The following CACNA2D1 variants were observed in gnomAD, a reference collection of about 807,000 sequenced individuals.
CACNA2D1 encodes the protein calcium voltage-gated channel auxiliary subunit alpha2delta 1.
CACNA2D1 carries 53 observed loss-of-function variants against 171.5 expected under a neutral mutation model. The observed-to-expected ratio is 0.31, with a 90% CI of 0.25 to 0.39. The LOEUF (loss-of-function observed/expected upper bound fraction) is 0.39. Ranked by LOEUF, CACNA2D1 falls within the 10% of genes least tolerant of loss-of-function variation. CACNA2D1 has a pLI of 1.00. For synonymous variants in CACNA2D1, 442 were observed against 443.1 expected (o/e 1.00, Z 0.03); for missense variants, 903 against 1,299.8 (o/e 0.69, Z 4.69).
At chr7:82,218,135 C>T (rs1422491609) in intron 3 of CACNA2D1, among the ~76,000 whole-genome samples, 2 of 151,866 alleles carry the variant, frequency 1.3e-5, no homozygotes, top group Non-Finnish European at 2.9e-5. Context: ...GTGGTTTCAC[C>T]GTGTTGGACA....
At chr7:82,195,619 C>T (rs1042055467) in intron 3 of CACNA2D1, among the ~76,000 whole-genome samples, 6 of 151,652 alleles carry the variant, frequency 4.0e-5, no homozygotes, top group East Asian at 3.9e-4. Context: ...AACATGTTAT[C>T]TCTCCCAGAG....
intron 2 of CACNA2D1, among the ~76,000 whole-genome samples, chr7:82,338,050 CAT>C (rs1174090598): frequency 6.6e-6 from 1 of 152,128 alleles, no homozygotes; most frequent in Non-Finnish European, 1.5e-5. Context: ...TTCTAATTAA[CAT>C]ATGTTAATTA....
At chr7:82,264,886 C>A (rs1807613207) in intron 3 of CACNA2D1, among the ~76,000 whole-genome samples, 1 of 152,160 alleles carries the variant, frequency 6.6e-6, no homozygotes, top group Non-Finnish European at 1.5e-5. Flanking sequence ...ATAATAGAGT[C>A]CCCTAATCAG....
intron 12 of CACNA2D1, among the ~76,000 whole-genome samples, chr7:82,017,841 AT>A (rs1800689760): frequency 6.6e-6 from 1 of 152,180 alleles, no homozygotes. Flanking sequence ...CACAAGCTAA[AT>A]ATTTCATCTT....
chr7:82,406,605 T>C (rs1191714944), intron 1 of CACNA2D1, among the ~76,000 whole-genome samples: 7 of 152,232 alleles, frequency 4.6e-5, no homozygotes, highest in Non-Finnish European at 7.3e-5. Context: ...TGAGATGGTA[T>C]CTCATTGTGG....
intron 5 of CACNA2D1, among the ~76,000 whole-genome samples, chr7:82,119,710 A>T (rs1789491779): frequency 6.6e-6 from 1 of 152,234 alleles, no homozygotes; most frequent in Admixed American, 6.5e-5. Context: ...TCAGATTTGC[A>T]AACTGATAAA....
intron 3 of CACNA2D1, among the ~76,000 whole-genome samples, chr7:82,321,414 T>C (rs949542305): frequency 6.6e-6 from 1 of 151,482 alleles, no homozygotes; most frequent in African/African-American, 2.4e-5. Context: ...AGAAATAAAA[T>C]AATAAAATAA....
rs116619324 is a variant in CACNA2D1 at position 82,353,546 on chromosome 7, G to A, written c.96-3897C>T. On this transcript the variant is annotated intron_variant, in intron 1 of 38. Transcript: ENST00000356860. Reference sequence around the variant, plus strand: ...TAACTCCCAAAGGAGAGTGTACAGCGAAAGGAAGGAAATAAACAGTAGTGA... The same window carrying A: ...TAACTCCCAAAGGAGAGTGTACAGCAAAAGGAAGGAAATAAACAGTAGTGA... Among the ~76,000 whole-genome samples the A allele has an allele frequency of 7.7e-3, 1,173 of 152,082 alleles. 19 individuals are homozygous for A. Among genetic ancestry groups the A allele is most frequent in the African/African-American group, 0.026 (1,063 of 41,494 alleles).
Position 82,123,784 on chromosome 7 carries a change from C to T in CACNA2D1, c.397-6611G>A, listed in dbSNP as rs1019967079. 2.0e-5 allele frequency among the ~76,000 whole-genome samples: 3 copies of T among 151,962 alleles called. 1 individual carries two copies. Among genetic ancestry groups the T allele is most frequent in the South Asian group, 2.1e-4 (1 of 4,830 alleles). On this transcript the variant is annotated intron_variant, in intron 5 of 38. Coordinates refer to ENST00000356860, the MANE Select transcript of CACNA2D1 (RefSeq NM_000722.4). ...TAATATATGTGCCACAAAGGGTTCT[C>T]GTGAATTGTAAATGATACATAAAGT...
intron 6 of CACNA2D1, among the ~76,000 whole-genome samples, chr7:82,106,103 G>A (rs990200920): frequency 2.6e-5 from 4 of 151,920 alleles, no homozygotes; most frequent in African/African-American, 7.3e-5. Context: ...TCTGATCTTC[G>A]AATTTTGAGA....
At chr7:82,173,316 T>C (rs1563155559) in intron 3 of CACNA2D1, among the ~76,000 whole-genome samples, 1 of 152,052 alleles carries the variant, frequency 6.6e-6, no homozygotes. Flanking sequence ...TGCCCTGTAT[T>C]GCAAGACTCT....
chr7:82,112,823 C>T (rs1788613238), intron 6 of CACNA2D1, among the ~76,000 whole-genome samples: 1 of 152,162 alleles, frequency 6.6e-6, no homozygotes, highest in South Asian at 2.1e-4. Context: ...TTTTCCTCTG[C>T]AATTTTGACA....
At chr7:82,431,446 T>C (rs1829665830) in intron 1 of CACNA2D1, among the ~76,000 whole-genome samples, 1 of 152,144 alleles carries the variant, frequency 6.6e-6, no homozygotes. Flanking sequence ...GTTCTACAGA[T>C]GGAGAAATCA....
At chr7:82,166,373 C>T (rs548819466) in intron 4 of CACNA2D1, among the ~76,000 whole-genome samples, 29 of 152,092 alleles carry the variant, frequency 1.9e-4, no homozygotes, top group African/African-American at 5.8e-4. Context: ...AATTTCTAGA[C>T]GTCTGTACTC....
chr7:82,393,079 A>AAGGCAGGC (rs1328493286), intron 1 of CACNA2D1, among the ~76,000 whole-genome samples: 1 of 114,064 alleles, frequency 8.8e-6, no homozygotes, highest in Non-Finnish European at 1.8e-5. Context: ...GGAAGGAAGG[A>AAGGCAGGC]AGGAAGGCAG....
chr7:82,170,884 T>C (rs1478362203), intron 3 of CACNA2D1, among the ~76,000 whole-genome samples: 1 of 152,098 alleles, frequency 6.6e-6, no homozygotes, highest in African/African-American at 2.4e-5. Flanking sequence ...CTATGAGTGC[T>C]TTCTTTCAAT....
intron 3 of CACNA2D1, among the ~76,000 whole-genome samples, chr7:82,183,180 CA>C (rs1381938183): frequency 6.6e-6 from 1 of 152,076 alleles, no homozygotes; most frequent in African/African-American, 2.4e-5. Context: ...CAACATTTTA[CA>C]ATCCCTAGAG....
At chr7:82,235,506 A>G (rs1803480589) in intron 3 of CACNA2D1, among the ~76,000 whole-genome samples, 1 of 152,170 alleles carries the variant, frequency 6.6e-6, no homozygotes, top group Non-Finnish European at 1.5e-5. Context: ...CCAGTCGCTC[A>G]TGCCATCCTC....
chr7:82,148,053 A>C (rs1215012705), intron 4 of CACNA2D1, among the ~76,000 whole-genome samples: 4 of 152,176 alleles, frequency 2.6e-5, no homozygotes, highest in Non-Finnish European at 5.9e-5. Flanking sequence ...ACAAACTTAT[A>C]AGGTTTAATT....
Sources: allele counts gnomAD v4.1 joint callset (sites outside exome capture counted in the v4.1 genomes callset), GRCh38; gene constraint gnomAD v4.1.1; transcripts MANE v1.5; gene names NCBI Gene and HGNC (gene_info 2026-07-23, HGNC 2026-07-21).